The following KIF4A variants were observed in gnomAD, a reference collection of about 807,000 sequenced individuals.
KIF4A encodes kinesin family member 4A, also known as chromosome-associated kinesin KIF4A.
KIF4A carries 7 observed loss-of-function variants against 105.9 expected under a neutral mutation model. The observed-to-expected ratio is 0.07, with a 90% CI of 0.04 to 0.12. The LOEUF (loss-of-function observed/expected upper bound fraction) is 0.12, where lower values mean the gene tolerates loss of function less well. Among genes scored for constraint, KIF4A ranks in the 10% least tolerant of loss-of-function variants. The pLI, the probability that KIF4A is intolerant of heterozygous loss-of-function variation, is 1.00. For missense variants in KIF4A, 558 were observed against 929.2 expected, an observed-to-expected ratio of 0.60 and a Z score of 5.19; for synonymous variants, 281 against 331.3, an observed-to-expected ratio of 0.85 and a Z score of 1.65.
chrX:70,396,950 G>C (rs2086261695), intron 22 of KIF4A, among the ~76,000 whole-genome samples: 2 of 111,440 alleles, frequency 1.8e-5, no homozygotes. Context: ...GCAGGCACCT[G>C]TAATCCCAGC....
rs2086360577 is a variant in KIF4A, at chrX:70,420,079, C to T, written c.3513C>T (p.Cys1171=). The T allele has an allele frequency of 3.3e-6, 4 of 1,210,284 alleles. No individual in the cohort carries two copies. The highest frequency in any genetic ancestry group is 4.5e-6 in the Non-Finnish European group (4 of 894,692). The change falls in exon 31 of 31, where the codon TGC becomes TGT. Residue 1171 remains cysteine, a synonymous_variant. Coordinates refer to ENST00000374403, the MANE Select transcript of KIF4A (RefSeq NM_012310.5). ...CCTCCTAGATCCTGAAAGAGATGTG[C>T]GATGTGGAGCAGGTGCTGTCAAAGA... is the stretch of plus-strand genomic sequence containing the variant. ...TPNSKILKEM[C]DVEQVLSKKT...
At chrX:70,379,073 G>T (rs2086186420) in intron 18 of KIF4A, among the ~76,000 whole-genome samples, 1 of 108,282 alleles carries the variant, frequency 9.2e-6, no homozygotes, top group South Asian at 4.1e-4. Flanking sequence ...TGAGGGAGGA[G>T]AATGGTGTGA....
intron 13 of KIF4A, among the ~76,000 whole-genome samples, chrX:70,350,991 C>G (rs912048000): frequency 1.8e-5 from 2 of 111,588 alleles, no homozygotes; most frequent in African/African-American, 6.5e-5. Context: ...ATATGATAGC[C>G]TATAAACAAA....
intron 14 of KIF4A, among the ~76,000 whole-genome samples, chrX:70,352,889 T>A (rs1357613496): frequency 8.9e-6 from 1 of 111,839 alleles, no homozygotes; most frequent in Non-Finnish European, 1.9e-5. Flanking sequence ...AATGTAATGT[T>A]CCATATTTGC....
chrX:70,385,028 C>T (rs2086212784), intron 18 of KIF4A, among the ~76,000 whole-genome samples: 1 of 110,340 alleles, frequency 9.1e-6, no homozygotes, highest in Non-Finnish European at 1.9e-5. Context: ...GTCTTGAACT[C>T]CTGACCTCAG....
intron 7 of KIF4A, among the ~76,000 whole-genome samples, chrX:70,320,546 AT>A (rs2085886365): frequency 8.9e-6 from 1 of 111,938 alleles, no homozygotes; most frequent in Admixed American, 9.5e-5. Flanking sequence ...TATGGAGGCC[AT>A]TATGTTAAGT....
At chrX:70,334,640 A>T (rs1167866109) in intron 10 of KIF4A, among the ~76,000 whole-genome samples, 5 of 112,448 alleles carry the variant, frequency 4.4e-5, no homozygotes. Flanking sequence ...TAGAGTATCT[A>T]AGCAAGATAA....
Position 70,332,942 on chromosome X carries a change from G to A in KIF4A, c.1072-686G>A, listed in dbSNP as rs1243569486. Among the ~76,000 whole-genome samples, 3 of 111,343 alleles carry A rather than the reference G, an allele frequency of 2.7e-5. No homozygotes were observed. The East Asian group carries it at 8.4e-4, about 31-fold the overall frequency. On this transcript the variant is annotated intron_variant, in intron 9 of 30. Transcript: ENST00000374403. The stretch of plus-strand genomic sequence containing the variant: ...TATTTCCTACTATTTTAGACTTCAG[G>A]CTTATCTTTCTTAAGTAGATTGTAA...
At chrX:70,329,593 A>G (rs1301536854) in intron 8 of KIF4A, 72 bp downstream of exon 8, 1 of 849,322 alleles carries the variant, frequency 1.2e-6, no homozygotes, top group Non-Finnish European at 1.7e-6. Flanking sequence ...AAGATGAAAT[A>G]GGTAAAAAGC....
At chrX:70,316,075 A>G (rs1435468588) in intron 7 of KIF4A, among the ~76,000 whole-genome samples, 1 of 111,911 alleles carries the variant, frequency 8.9e-6, no homozygotes, top group Non-Finnish European at 1.9e-5. Context: ...AGAACAGTCA[A>G]TGAATCAGGT....
chrX:70,374,386 C>A (rs1317063001), intron 16 of KIF4A, 132 bp downstream of exon 16: 1 of 411,863 alleles, frequency 2.4e-6, no homozygotes, highest in Non-Finnish European at 4.2e-6. Flanking sequence ...GAAACCTAAA[C>A]ACAAAAAATG....
rs2086360527 is a variant in KIF4A, at chrX:70,420,071, G to A, written c.3505G>A (p.Glu1169Lys). 1 of 1,208,543 alleles carries A rather than the reference G, an allele frequency of 8.3e-7. No individual in the cohort carries two copies. The change falls in exon 31 of 31, where the codon GAG (glutamate) becomes AAG (lysine). Residue 1169 changes from glutamate to lysine, a missense_variant. By Grantham distance (56) the Glu-to-Lys change is moderately conservative (BLOSUM62 1). Coordinates refer to ENST00000374403, the MANE Select transcript of KIF4A (RefSeq NM_012310.5). Reference protein sequence around the residue: ...CATPNSKILKEMCDVEQVLSK... With the variant: ...CATPNSKILKKMCDVEQVLSK... ...TCTCTGTCCCTCCTAGATCCTGAAA[G>A]AGATGTGCGATGTGGAGCAGGTGCT...
At chrX:70,413,189 G>A (rs1265385893) in intron 28 of KIF4A, among the ~76,000 whole-genome samples, 1 of 112,464 alleles carries the variant, frequency 8.9e-6, no homozygotes, top group Non-Finnish European at 1.9e-5. Context: ...CAAGGCAGGT[G>A]AGATTCTTTA....
intron 20 of KIF4A, among the ~76,000 whole-genome samples, chrX:70,392,842 T>C (rs1466090863): frequency 9.5e-6 from 1 of 104,835 alleles, no homozygotes; most frequent in Non-Finnish European, 1.9e-5. Flanking sequence ...GATCTTATAA[T>C]AATAATAATA....
At chrX:70,365,531 A>G (rs1331140924) in intron 15 of KIF4A, among the ~76,000 whole-genome samples, 1 of 111,993 alleles carries the variant, frequency 8.9e-6, no homozygotes, top group Non-Finnish European at 1.9e-5. Context: ...TTCTGTTTAT[A>G]TGCTGGATTA....
chrX:70,331,563 G>C (rs2085930737), intron 9 of KIF4A, among the ~76,000 whole-genome samples: 1 of 110,416 alleles, frequency 9.1e-6, no homozygotes, highest in African/African-American at 3.3e-5. Flanking sequence ...ACAGAGACAT[G>C]AAATGAGCAT....
chrX:70,320,201 G>A (rs2085885319), intron 7 of KIF4A, among the ~76,000 whole-genome samples: 1 of 111,383 alleles, frequency 9.0e-6, no homozygotes, highest in African/African-American at 3.3e-5. Context: ...TTAGCACCAT[G>A]GTAGAGATGC....
In KIF4A at chrX:70,324,311, A is replaced by C. The variant is rs181169689; in HGVS notation, c.779-5094A>C. Among the ~76,000 whole-genome samples, 4 of 111,924 alleles carry C rather than the reference A, an allele frequency of 3.6e-5. No individual in the cohort carries two copies. The East Asian group carries it at 8.4e-4, about 24-fold the overall frequency. ...TTTAATTATCTGTTTCCCCCATTAG[A>C]CTTTGAGTTCCTTAAAAGCAGAGAC... On this transcript the variant is annotated intron_variant, in intron 7 of 30. Coordinates refer to ENST00000374403, the MANE Select transcript of KIF4A (RefSeq NM_012310.5).
At position 70,420,599 on chromosome X, in the gene KIF4A, G is replaced by A. The variant is rs1166771105; in HGVS notation, c.*334G>A. On this transcript the variant is annotated 3_prime_UTR_variant, in exon 31 of 31. Coordinates refer to ENST00000374403, the MANE Select transcript of KIF4A (RefSeq NM_012310.5). ...CAGGCTATCTCCTGATGGGGATGAG[G>A]CCAAGGCTTTCTTATCTTTTGGTTG... 5 of 175,377 alleles carry A rather than the reference G, an allele frequency of 2.9e-5. No homozygotes were observed. The highest frequency in any genetic ancestry group is 1.5e-4 in the African/African-American group (5 of 32,650). 14.5% of individuals were successfully genotyped at this position (175,377 alleles called of 1,213,427 possible). A position where few individuals can be genotyped will look rare whatever the true frequency, so the allele number is the denominator to read the frequency against.
Sources: gnomAD v4.1 joint callset for allele counts (sites outside exome capture counted in the v4.1 genomes callset) on GRCh38, gnomAD v4.1.1 for gene constraint, MANE v1.5 for transcripts, NCBI Gene and HGNC (gene_info 2026-07-23, HGNC 2026-07-21) for gene names.